RPH3A: variants seen among roughly 807,000 people sequenced by gnomAD.
The protein encoded by RPH3A is rabphilin 3A, also known as rabphilin-3A.
Under a neutral mutation model 102.2 loss-of-function variants are expected in RPH3A, and 48 were observed. That is an observed-to-expected ratio of 0.47 (90% CI 0.37 to 0.60). RPH3A has a LOEUF of 0.60. RPH3A is among the 20% of genes least tolerant of loss of function. RPH3A has a pLI of 0.00. For synonymous variants in RPH3A, 310 were observed against 324.3 expected (o/e 0.96, Z 0.47); for missense variants, 781 against 910.1 (o/e 0.86, Z 1.83).
intron 1 of RPH3A, among the ~76,000 whole-genome samples, chr12:112,696,698 G>A (rs1012713547): frequency 6.6e-6 from 1 of 152,218 alleles, no homozygotes; most frequent in East Asian, 1.9e-4. Context: ...TCAAAAAGAT[G>A]TGCAGCTCTA....
intron 1 of RPH3A, among the ~76,000 whole-genome samples, chr12:112,747,124 T>A (rs961826315): frequency 6.6e-6 from 1 of 152,192 alleles, no homozygotes; most frequent in Non-Finnish European, 1.5e-5. Flanking sequence ...GGTCTGCAGG[T>A]TTGTGTCCTC....
At chr12:112,871,538 A>G (rs2042708323) in intron 10 of RPH3A, among the ~76,000 whole-genome samples, 1 of 152,096 alleles carries the variant, frequency 6.6e-6, no homozygotes, top group Non-Finnish European at 1.5e-5. Context: ...TTTCCTTTTT[A>G]ACCCATTATG....
At chr12:112,762,770 C>T (rs2040862555) in intron 1 of RPH3A, among the ~76,000 whole-genome samples, 1 of 152,156 alleles carries the variant, frequency 6.6e-6, no homozygotes, top group African/African-American at 2.4e-5. Context: ...TGATATACCT[C>T]CATCCATTGT....
chr12:112,618,463 A>G (rs375875359), intron 1 of RPH3A, among the ~76,000 whole-genome samples: 33 of 152,308 alleles, frequency 2.2e-4, no homozygotes, highest in Admixed American at 5.9e-4. Context: ...TTTTGGGATC[A>G]TATCTTGCTA....
chr12:112,817,173 G>A lies in RPH3A; in HGVS notation c.-18-11128G>A, dbSNP rs542283289. Among the ~76,000 whole-genome samples the A allele has an allele frequency of 4.6e-5, 7 of 152,314 alleles. No individual in the cohort carries two copies. The South Asian group carries it at 1.2e-3, about 27-fold the overall frequency. Reference sequence around the variant, plus strand: ...TCAAATGGAAGTTGGGGTTGGCTGAGTGGAGATGCTATGCACTATCATTGT... The same window carrying A: ...TCAAATGGAAGTTGGGGTTGGCTGAATGGAGATGCTATGCACTATCATTGT... On this transcript the variant is annotated intron_variant, in intron 2 of 21. Transcript: ENST00000389385.
In RPH3A at chr12:112,643,271, G is replaced by A. The variant is rs952047515; in HGVS notation, c.-140+67952G>A. Among the ~76,000 whole-genome samples the A allele has an allele frequency of 4.6e-5, 7 of 152,300 alleles. 1 individual carries two copies. Among genetic ancestry groups the A allele is most frequent in the Admixed American group, 1.3e-4 (2 of 15,302 alleles). On this transcript the variant is annotated intron_variant, in intron 1 of 21. Transcript: ENST00000543106. ...TGTGATCCCACAGCCAGTGGGTAGCGAGGATAGAACCATGACTCATGTGTC... is the reference window on the plus strand; with the variant it reads ...TGTGATCCCACAGCCAGTGGGTAGCAAGGATAGAACCATGACTCATGTGTC...
At chr12:112,795,713 G>C (rs1475907135) in intron 2 of RPH3A, among the ~76,000 whole-genome samples, 1 of 152,152 alleles carries the variant, frequency 6.6e-6, no homozygotes, top group Non-Finnish European at 1.5e-5. Flanking sequence ...AAATTTCTTA[G>C]GGTTAGATCT....
At chr12:112,675,666 T>C (rs2040169415) in intron 1 of RPH3A, among the ~76,000 whole-genome samples, 1 of 152,208 alleles carries the variant, frequency 6.6e-6, no homozygotes, top group Non-Finnish European at 1.5e-5. Context: ...TGAGGGATCC[T>C]TGACCCCTGG....
chr12:112,586,245 A>G (rs1188553384), intron 1 of RPH3A, among the ~76,000 whole-genome samples: 1 of 152,216 alleles, frequency 6.6e-6, no homozygotes, highest in African/African-American at 2.4e-5. Context: ...GGACAAAGTA[A>G]TGAATAAAAT....
chr12:112,795,413 T>C (rs1446075851), intron 2 of RPH3A, among the ~76,000 whole-genome samples: 1 of 152,210 alleles, frequency 6.6e-6, no homozygotes, highest in African/African-American at 2.4e-5. Context: ...TGATTTTAAA[T>C]AATTCAGCTG....
rs185752838 is a variant in RPH3A, at chr12:112,858,499, G to A, written c.231-6915G>A. ...ACTTCCTTCGCACATGCTATTCCCC[G>A]GTTTCTCTGAGGACCTGTCCTGACT... On this transcript the variant is annotated intron_variant, in intron 5 of 21. Coordinates refer to ENST00000389385, the MANE Select transcript of RPH3A (RefSeq NM_001143854.2). 3.8e-3 allele frequency among the ~76,000 whole-genome samples: 578 copies of A among 152,042 alleles called. 5 individuals are homozygous for A. Among genetic ancestry groups the A allele is most frequent in the African/African-American group, 0.013 (544 of 41,480 alleles).
At chr12:112,701,415 A>G (rs1279228937) in intron 1 of RPH3A, among the ~76,000 whole-genome samples, 1 of 152,166 alleles carries the variant, frequency 6.6e-6, no homozygotes, top group Non-Finnish European at 1.5e-5. Flanking sequence ...CATAGGAGAG[A>G]GGGAATAAGG....
chr12:112,647,500 G>A (rs1055501498), intron 1 of RPH3A, among the ~76,000 whole-genome samples: 10 of 152,118 alleles, frequency 6.6e-5, no homozygotes, highest in Non-Finnish European at 1.2e-4. Context: ...GTTCTAATGG[G>A]GGCAATAGGC....
chr12:112,803,032 T>C (rs530817953), intron 2 of RPH3A, among the ~76,000 whole-genome samples: 1 of 152,272 alleles, frequency 6.6e-6, no homozygotes, highest in Admixed American at 6.5e-5. Flanking sequence ...AAGCCTGGGA[T>C]TGAGAAGACT....
intron 20 of RPH3A, 96 bp from the exon 21 acceptor site, chr12:112,895,681 C>A: frequency 1.3e-6 from 1 of 794,752 alleles, no homozygotes; most frequent in East Asian, 2.6e-5. Flanking sequence ...TCAAGGACCT[C>A]TCCTTGGCCC....
At chr12:112,603,858 G>C (rs1485747011) in intron 1 of RPH3A, among the ~76,000 whole-genome samples, 1 of 152,124 alleles carries the variant, frequency 6.6e-6, no homozygotes, top group Admixed American at 6.6e-5. Context: ...CAAAGGGAAA[G>C]GGATGTAATA....
At chr12:112,671,694 G>A (rs2040131078) in intron 1 of RPH3A, among the ~76,000 whole-genome samples, 1 of 152,110 alleles carries the variant, frequency 6.6e-6, no homozygotes, top group Admixed American at 6.5e-5. Context: ...ATAATTGCCA[G>A]TCAATGAGCT....
chr12:112,784,020 A>T (rs1196573078), intron 1 of RPH3A, among the ~76,000 whole-genome samples: 1 of 152,080 alleles, frequency 6.6e-6, no homozygotes, highest in East Asian at 1.9e-4. Context: ...CTGGAAATAG[A>T]TCTCTCTCTC....
intron 4 of RPH3A, among the ~76,000 whole-genome samples, chr12:112,846,863 T>C (rs1288405659): frequency 6.6e-6 from 1 of 152,194 alleles, no homozygotes; most frequent in Non-Finnish European, 1.5e-5. Context: ...ACAGATCCCA[T>C]TCTTTCCGTC....
Sources: allele counts gnomAD v4.1 joint callset (sites outside exome capture counted in the v4.1 genomes callset), GRCh38; gene constraint gnomAD v4.1.1; transcripts MANE v1.5; gene names NCBI Gene and HGNC (gene_info 2026-07-23, HGNC 2026-07-21).